Variants in GRID2 observed in about 807,000 individuals in gnomAD.
The protein encoded by GRID2 is glutamate receptor ionotropic, delta-2.
A neutral mutation model predicts 114.8 loss-of-function variants in GRID2; 33 were observed. The ratio of observed to expected loss-of-function variants is 0.29; its 90% CI spans 0.22 to 0.38. The LOEUF (loss-of-function observed/expected upper bound fraction) is 0.38. Among genes scored for constraint, GRID2 ranks in the 10% least tolerant of loss-of-function variants. The probability of loss-of-function intolerance (pLI) is 1.00; values close to 1 mark genes in which losing one functional copy is unlikely to be tolerated. For missense variants in GRID2, 1,184 were observed against 1,257.7 expected, an observed-to-expected ratio of 0.94 and a Z score of 0.89; for synonymous variants, 505 against 449.9, an observed-to-expected ratio of 1.12 and a Z score of -1.55.
intron 9 of GRID2, among the ~76,000 whole-genome samples, chr4:93,404,195 G>A (rs962212948): frequency 6.6e-6 from 1 of 152,066 alleles, no homozygotes; most frequent in South Asian, 2.1e-4. Context: ...ACTCACAGGG[G>A]CAAAAAGTAA....
At chr4:93,598,191 C>T (rs552386097) in intron 13 of GRID2, among the ~76,000 whole-genome samples, 5 of 152,218 alleles carry the variant, frequency 3.3e-5, no homozygotes, top group South Asian at 2.1e-4. Context: ...CACACCCGGG[C>T]GGTCTGACTC....
intron 13 of GRID2, among the ~76,000 whole-genome samples, chr4:93,614,386 C>G (rs556414725): frequency 6.6e-6 from 1 of 152,282 alleles, no homozygotes; most frequent in African/African-American, 2.4e-5. Flanking sequence ...TTATTTTCTT[C>G]CTGTCAATTA....
chr4:92,956,010 C>T lies in GRID2; in HGVS notation c.245-128985C>T, dbSNP rs182552799. 2.3e-3 allele frequency among the ~76,000 whole-genome samples: 350 copies of T among 152,234 alleles called. 2 individuals carry two copies. The highest frequency in any genetic ancestry group is 6.6e-3 in the Admixed American group (101 of 15,282). ...CTGGGATCACAGGCATGAGCCACTG[C>T]GCCTGGACTTTCTGGAGCTCTTAAA... On this transcript the variant is annotated intron_variant, in intron 2 of 15. Coordinates refer to ENST00000282020, the MANE Select transcript of GRID2 (RefSeq NM_001510.4).
chr4:92,397,342 A>T (rs936066458), intron 1 of GRID2, among the ~76,000 whole-genome samples: 3 of 142,774 alleles, frequency 2.1e-5, no homozygotes, highest in East Asian at 2.0e-4. Flanking sequence ...GTGTGTTTGT[A>T]TGTGTGTGTG....
intron 2 of GRID2, among the ~76,000 whole-genome samples, chr4:92,992,741 C>G (rs1267317376): frequency 1.3e-5 from 2 of 152,116 alleles, no homozygotes; most frequent in Admixed American, 6.6e-5. Context: ...CCTGCCTCTC[C>G]TCTATATTTA....
intron 11 of GRID2, among the ~76,000 whole-genome samples, chr4:93,484,997 A>G (rs10030500): frequency 0.47 from 71,322 of 151,620 alleles, 19,265 homozygotes; most frequent in African/African-American, 0.73. Flanking sequence ...TTCAGAGATC[A>G]TTTATCAGAA....
intron 8 of GRID2, among the ~76,000 whole-genome samples, chr4:93,264,555 C>T (rs1750589356): frequency 6.6e-6 from 1 of 151,178 alleles, no homozygotes. Flanking sequence ...TACACGAAGA[C>T]ATGGGAAACC....
chr4:93,752,118 G>C (rs1413817262), intron 14 of GRID2, among the ~76,000 whole-genome samples: 1 of 152,048 alleles, frequency 6.6e-6, no homozygotes, highest in African/African-American at 2.4e-5. Context: ...GTATTACTGT[G>C]GCTGTACCAC....
chr4:93,666,636 T>C (rs1299812558), intron 14 of GRID2, among the ~76,000 whole-genome samples: 1 of 152,090 alleles, frequency 6.6e-6, no homozygotes, highest in Non-Finnish European at 1.5e-5. Context: ...TAAGGCACTT[T>C]AAGTGGATCA....
intron 2 of GRID2, among the ~76,000 whole-genome samples, chr4:92,861,199 A>C (rs892121184): frequency 3.9e-5 from 6 of 152,084 alleles, no homozygotes; most frequent in African/African-American, 1.4e-4. Flanking sequence ...TTAACAACTT[A>C]AAAGAATAAC....
intron 2 of GRID2, among the ~76,000 whole-genome samples, chr4:92,690,516 T>C (rs1734134239): frequency 6.6e-6 from 1 of 152,128 alleles, no homozygotes; most frequent in Non-Finnish European, 1.5e-5. Context: ...TCTCAAGAGT[T>C]ACCAAAATGT....
chr4:93,160,875 A>G (rs962582784), intron 4 of GRID2, among the ~76,000 whole-genome samples: 1 of 151,854 alleles, frequency 6.6e-6, no homozygotes, highest in African/African-American at 2.4e-5. Context: ...TCTGCATTTT[A>G]ACAAGATTTT....
chr4:92,310,842 T>C (rs1241486408), intron 1 of GRID2, among the ~76,000 whole-genome samples: 1 of 152,062 alleles, frequency 6.6e-6, no homozygotes. Flanking sequence ...CAGTCAAGTG[T>C]GGCTATATTT....
intron 3 of GRID2, among the ~76,000 whole-genome samples, chr4:93,108,878 C>A (rs1411077984): frequency 3.3e-5 from 5 of 152,148 alleles, no homozygotes; most frequent in Non-Finnish European, 7.4e-5. Flanking sequence ...ATCTGCCCCC[C>A]TCGGTCTCCC....
intron 2 of GRID2, among the ~76,000 whole-genome samples, chr4:92,683,427 T>C (rs1392905604): frequency 2.0e-5 from 3 of 152,148 alleles, no homozygotes; most frequent in Admixed American, 6.5e-5. Context: ...AAACCAGATA[T>C]CAAGATATTT....
At chr4:92,600,776 G>A (rs141414353) in intron 2 of GRID2, among the ~76,000 whole-genome samples, 3 of 152,150 alleles carry the variant, frequency 2.0e-5, no homozygotes, top group East Asian at 1.9e-4. Context: ...GATCTCCGTC[G>A]CAGAGGGAAA....
At chr4:93,770,925 T>C (rs965963644) in intron 15 of GRID2, among the ~76,000 whole-genome samples, 3 of 152,168 alleles carry the variant, frequency 2.0e-5, no homozygotes, top group African/African-American at 4.8e-5. Flanking sequence ...TAATGGATAT[T>C]TTTTATTGAA....
chr4:92,645,784 A>G (rs1731584231), intron 2 of GRID2, among the ~76,000 whole-genome samples: 1 of 151,688 alleles, frequency 6.6e-6, no homozygotes, highest in South Asian at 2.1e-4. Flanking sequence ...CCCATGTTTT[A>G]AAAGTATTGA....
chr4:93,359,269 A>AT lies in GRID2; in HGVS notation c.1246-36328dup, dbSNP rs374216604. ...TTTGAAACTTGTTTGCAATTTTTTC[A>AT]TTTTTTTTTTCATTTGAAAGTAATT... On this transcript the variant is annotated intron_variant, in intron 8 of 15. Transcript: ENST00000282020. Among the ~76,000 whole-genome samples, 343 of 147,318 alleles carry AT rather than the reference A, an allele frequency of 2.3e-3. 1 individual carries two copies. Among genetic ancestry groups the AT allele is most frequent in the East Asian group, 8.4e-3 (42 of 5,016 alleles).
Sources: gnomAD v4.1 joint callset for allele counts (sites outside exome capture counted in the v4.1 genomes callset) on GRCh38, gnomAD v4.1.1 for gene constraint, MANE v1.5 for transcripts, NCBI Gene and HGNC (gene_info 2026-07-23, HGNC 2026-07-21) for gene names.